Variants in FBXL7 observed in about 807,000 individuals in gnomAD.
FBXL7 encodes F-box/LRR-repeat protein 7.
Under a neutral mutation model 38.3 loss-of-function variants are expected in FBXL7, and 12 were observed. The ratio of observed to expected loss-of-function variants is 0.31; its 90% CI spans 0.20 to 0.51. The LOEUF is 0.51. FBXL7 is among the 20% of genes least tolerant of loss of function. FBXL7 has a pLI of 0.98. For synonymous variants in FBXL7, 297 were observed against 300.9 expected, an observed-to-expected ratio of 0.99 and a Z score of 0.13; for missense variants, 567 against 676.4, an observed-to-expected ratio of 0.84 and a Z score of 1.79.
intron 2 of FBXL7, among the ~76,000 whole-genome samples, chr5:15,802,053 C>G (rs1225604588): frequency 2.0e-5 from 3 of 152,116 alleles, no homozygotes; most frequent in Non-Finnish European, 4.4e-5. Flanking sequence ...TCTGGTTAGG[C>G]ATCCCCAATT....
intron 1 of FBXL7, among the ~76,000 whole-genome samples, chr5:15,575,143 G>A (rs1327916534): frequency 6.6e-6 from 1 of 152,056 alleles, no homozygotes; most frequent in Non-Finnish European, 1.5e-5. Flanking sequence ...AGAATCATCC[G>A]GTCTGAAATG....
At chr5:15,810,097 CAAT>C (rs1478145181) in intron 2 of FBXL7, among the ~76,000 whole-genome samples, 1 of 152,066 alleles carries the variant, frequency 6.6e-6, no homozygotes, top group Non-Finnish European at 1.5e-5. Context: ...AATCAGACAA[CAAT>C]GATCCTTTTT....
At chr5:15,613,521 A>G (rs1243238970) in intron 1 of FBXL7, among the ~76,000 whole-genome samples, 2 of 152,186 alleles carry the variant, frequency 1.3e-5, no homozygotes, top group Admixed American at 1.3e-4. Flanking sequence ...GAAGGGAATA[A>G]CAGATTTGTT....
intron 2 of FBXL7, among the ~76,000 whole-genome samples, chr5:15,767,691 T>G (rs1279522383): frequency 1.3e-5 from 2 of 152,242 alleles, no homozygotes; most frequent in African/African-American, 4.8e-5. Flanking sequence ...CTTTGCTAAC[T>G]AATTTGCTAT....
chr5:15,669,540 T>C (rs1279996911), intron 2 of FBXL7, among the ~76,000 whole-genome samples: 1 of 152,110 alleles, frequency 6.6e-6, no homozygotes, highest in African/African-American at 2.4e-5. Flanking sequence ...GCCAAAACTC[T>C]CTTAGAACTA....
At chr5:15,803,658 A>C (rs76725088) in intron 2 of FBXL7, among the ~76,000 whole-genome samples, 6,251 of 151,776 alleles carry the variant, frequency 0.041, 432 homozygotes, top group African/African-American at 0.14. Context: ...CGATGTAAAA[A>C]TTTATTAGAT....
At chr5:15,569,306 A>G (rs1299645981) in intron 1 of FBXL7, among the ~76,000 whole-genome samples, 1 of 150,850 alleles carries the variant, frequency 6.6e-6, no homozygotes, top group African/African-American at 2.4e-5. Flanking sequence ...GGTCCTTCAC[A>G]TCCCTTGTAA....
chr5:15,918,491 T>C (rs1741657454), intron 2 of FBXL7, among the ~76,000 whole-genome samples: 1 of 152,240 alleles, frequency 6.6e-6, no homozygotes, highest in Non-Finnish European at 1.5e-5. Context: ...GATATACTTA[T>C]GGATTTTAGA....
chr5:15,518,713 T>C (rs1737013459), intron 1 of FBXL7, among the ~76,000 whole-genome samples: 2 of 152,062 alleles, frequency 1.3e-5, no homozygotes, highest in African/African-American at 4.8e-5. Flanking sequence ...TTGACCTGAG[T>C]TTCCCTTAAG....
chr5:15,853,993 A>G (rs560880794), intron 2 of FBXL7, among the ~76,000 whole-genome samples: 2 of 152,222 alleles, frequency 1.3e-5, no homozygotes, highest in Non-Finnish European at 2.9e-5. Context: ...GTTTTCATCA[A>G]CATCTACAAA....
At chr5:15,935,507 C>T (rs547547158) in intron 3 of FBXL7, among the ~76,000 whole-genome samples, 32 of 123,504 alleles carry the variant, frequency 2.6e-4, no homozygotes, top group African/African-American at 9.6e-4. Context: ...TTCAAGGACA[C>T]CTGGAGTGAA....
chr5:15,651,082 A>T (rs1228853872), intron 2 of FBXL7, among the ~76,000 whole-genome samples: 1 of 149,422 alleles, frequency 6.7e-6, no homozygotes, highest in African/African-American at 2.5e-5. Flanking sequence ...CTTACAAAAC[A>T]TACTTCTTTT....
intron 1 of FBXL7, among the ~76,000 whole-genome samples, chr5:15,512,920 AAT>A (rs1304510291): frequency 2.6e-5 from 4 of 152,196 alleles, no homozygotes; most frequent in Non-Finnish European, 5.9e-5. Flanking sequence ...AAATTAATAA[AAT>A]AGTTCTTTGG....
intron 2 of FBXL7, among the ~76,000 whole-genome samples, chr5:15,787,550 T>C (rs1433283582): frequency 3.3e-5 from 5 of 152,264 alleles, no homozygotes; most frequent in African/African-American, 1.2e-4. Flanking sequence ...AAGTCTAATA[T>C]CACAAGAAGT....
chr5:15,710,576 GTCTC>G (rs1416598655), intron 2 of FBXL7, among the ~76,000 whole-genome samples: 1 of 152,012 alleles, frequency 6.6e-6, no homozygotes, highest in Non-Finnish European at 1.5e-5. Context: ...TTTGATTAAT[GTCTC>G]TCTCTTCCCC....
intron 1 of FBXL7, among the ~76,000 whole-genome samples, chr5:15,583,125 TGAGA>T (rs971356523): frequency 1.3e-5 from 2 of 152,028 alleles, no homozygotes. Context: ...TGGTGGCAGG[TGAGA>T]GAGAGCAGGG....
At chr5:15,815,123 A>C (rs1427518336) in intron 2 of FBXL7, among the ~76,000 whole-genome samples, 1 of 152,064 alleles carries the variant, frequency 6.6e-6, no homozygotes, top group Non-Finnish European at 1.5e-5. Context: ...GTTGGTACCA[A>C]TTTTTCCAGC....
At chr5:15,732,804 G>A (rs1005377001) in intron 2 of FBXL7, among the ~76,000 whole-genome samples, 1 of 152,150 alleles carries the variant, frequency 6.6e-6, no homozygotes, top group Non-Finnish European at 1.5e-5. Flanking sequence ...ATGCCATCAA[G>A]GGTAATGTTA....
At chr5:15,603,493 G>C (rs990348795) in intron 1 of FBXL7, among the ~76,000 whole-genome samples, 14 of 152,182 alleles carry the variant, frequency 9.2e-5, no homozygotes, top group African/African-American at 2.9e-4. Context: ...CATCCAGTTA[G>C]TAAAGCCAGA....
Sources: allele counts gnomAD v4.1 joint callset (sites outside exome capture counted in the v4.1 genomes callset), GRCh38; gene constraint gnomAD v4.1.1; transcripts MANE v1.5; gene names NCBI Gene and HGNC (gene_info 2026-07-23, HGNC 2026-07-21).